GNAT3: variants seen among roughly 807,000 people sequenced by gnomAD.
The protein encoded by GNAT3 is G protein subunit alpha transducin 3, also known as guanine nucleotide-binding protein G(t) subunit alpha-3.
GNAT3 carries 31 observed loss-of-function variants against 37.7 expected under a neutral mutation model. The observed-to-expected ratio is 0.82, with a 90% CI of 0.62 to 1.11. The LOEUF is 1.11. Among genes scored for constraint, GNAT3 ranks in the 50% most tolerant of loss-of-function variants. The probability of loss-of-function intolerance (pLI) is 0.00; values close to 1 mark genes in which losing one functional copy is unlikely to be tolerated. For synonymous variants in GNAT3, 138 were observed against 139.8 expected (o/e 0.99, Z 0.09); for missense variants, 437 against 412.5 (o/e 1.06, Z -0.51).
At chr7:80,504,480 C>T (rs1584199016) in intron 1 of GNAT3, among the ~76,000 whole-genome samples, 1 of 152,096 alleles carries the variant, frequency 6.6e-6, no homozygotes, top group East Asian at 1.9e-4. Context: ...AGCATAGCAT[C>T]CTTTGAGAAG....
At chr7:80,477,357 G>T (rs1308275268) in intron 4 of GNAT3, among the ~76,000 whole-genome samples, 1 of 152,038 alleles carries the variant, frequency 6.6e-6, no homozygotes, top group Non-Finnish European at 1.5e-5. Flanking sequence ...GAATAGTTTA[G>T]AAAAGCAATG....
intron 5 of GNAT3, 67 bp from the exon 6 acceptor site, chr7:80,462,698 C>A: frequency 5.4e-6 from 7 of 1,294,166 alleles, no homozygotes; most frequent in Non-Finnish European, 7.6e-6. Context: ...TTGAGGTTAA[C>A]ATTTAGAGGT....
chr7:80,502,277 C>A (rs1790847670), intron 1 of GNAT3, among the ~76,000 whole-genome samples: 1 of 152,040 alleles, frequency 6.6e-6, no homozygotes, highest in Non-Finnish European at 1.5e-5. Flanking sequence ...TTTTGCATAT[C>A]AAGCATATCT....
chr7:80,505,415 G>A (rs1338812743), intron 1 of GNAT3, among the ~76,000 whole-genome samples: 1 of 152,128 alleles, frequency 6.6e-6, no homozygotes, highest in South Asian at 2.1e-4. Context: ...TGCCCAGGCT[G>A]GAGTGCAGTG....
intron 3 of GNAT3, among the ~76,000 whole-genome samples, chr7:80,485,767 A>G (rs1408180254): frequency 7.9e-5 from 12 of 152,180 alleles, no homozygotes; most frequent in Non-Finnish European, 1.8e-4. Flanking sequence ...ATAATACCTA[A>G]TATTTACTGA....
chr7:80,467,368 G>T (rs939168104), intron 5 of GNAT3, among the ~76,000 whole-genome samples: 4 of 152,098 alleles, frequency 2.6e-5, no homozygotes, highest in Admixed American at 1.3e-4. Context: ...GGTCCAGGGA[G>T]CACTGCACAT....
Position 80,478,896 on chromosome 7 carries a change from T to A in GNAT3, c.406A>T (p.Ile136Phe), listed in dbSNP as rs1347852735. 1 of 1,613,318 alleles carries A rather than the reference T, an allele frequency of 6.2e-7. No homozygotes were observed. Among genetic ancestry groups the A allele is most frequent in the Non-Finnish European group, 8.5e-7 (1 of 1,179,556 alleles). Reference protein sequence around the residue: ...VIKRLWRDPGIQACFERASEY... With the variant: ...VIKRLWRDPGFQACFERASEY... ...GATGCCCTTTCAAAGCAGGCCTGAA[T>A]TCCTGGATCTCTCCACAGCCGTTTT... The change falls in exon 4 of 8, where the codon ATT (isoleucine) becomes TTT (phenylalanine). Residue 136 changes from isoleucine to phenylalanine, a missense_variant. By Grantham distance (21) the Ile-to-Phe change is conservative. Coordinates refer to ENST00000398291, the MANE Select transcript of GNAT3 (RefSeq NM_001102386.3).
intron 1 of GNAT3, among the ~76,000 whole-genome samples, chr7:80,501,824 A>G (rs4351352): frequency 0.011 from 1,601 of 152,076 alleles, 33 homozygotes; most frequent in African/African-American, 0.037. Flanking sequence ...CAGTAAACAT[A>G]TGGTGTCAGA....
intron 1 of GNAT3, among the ~76,000 whole-genome samples, chr7:80,502,828 C>A (rs1790861314): frequency 6.6e-6 from 1 of 152,092 alleles, no homozygotes; most frequent in Non-Finnish European, 1.5e-5. Context: ...ACCAATTCCA[C>A]CCCAATCACT....
chr7:80,467,392 T>C (rs569217972), intron 5 of GNAT3, among the ~76,000 whole-genome samples: 7 of 152,272 alleles, frequency 4.6e-5, no homozygotes, highest in African/African-American at 1.7e-4. Context: ...TCTAATGCCA[T>C]CTGCTATTAT....
intron 2 of GNAT3, among the ~76,000 whole-genome samples, chr7:80,492,704 A>G (rs993925152): frequency 5.3e-5 from 8 of 151,522 alleles, no homozygotes; most frequent in African/African-American, 1.9e-4. Context: ...AAACATATTT[A>G]GATCAATAAT....
intron 2 of GNAT3, among the ~76,000 whole-genome samples, chr7:80,493,683 C>A (rs1487631834): frequency 2.4e-5 from 3 of 125,734 alleles, no homozygotes; most frequent in African/African-American, 8.1e-5. Flanking sequence ...TCCTCCTCCT[C>A]CTCTTTCCTC....
intron 1 of GNAT3, among the ~76,000 whole-genome samples, chr7:80,495,516 CTGG>C (rs1316022152): frequency 2.0e-5 from 3 of 151,900 alleles, no homozygotes; most frequent in Non-Finnish European, 4.4e-5. Context: ...TGTCACCAGG[CTGG>C]AGTGCAGTGG....
chr7:80,466,642 GA>G (rs1043277060), intron 5 of GNAT3, among the ~76,000 whole-genome samples: 1 of 151,352 alleles, frequency 6.6e-6, no homozygotes, highest in Non-Finnish European at 1.5e-5. Context: ...CCAGGAGGAG[GA>G]AAAAAAGGGA....
intron 7 of GNAT3, among the ~76,000 whole-genome samples, chr7:80,461,021 A>G (rs1180860408): frequency 9.3e-6 from 1 of 107,130 alleles, no homozygotes; most frequent in Non-Finnish European, 1.8e-5. Flanking sequence ...ATATTTAATT[A>G]GTAATCAATA....
chr7:80,466,762 C>T (rs749941023), intron 5 of GNAT3, among the ~76,000 whole-genome samples: 5 of 152,134 alleles, frequency 3.3e-5, no homozygotes, highest in Non-Finnish European at 7.4e-5. Flanking sequence ...ATCAGAGTAA[C>T]AGCAAACTCA....
intron 4 of GNAT3, among the ~76,000 whole-genome samples, chr7:80,476,551 T>C (rs1487163641): frequency 6.6e-6 from 1 of 151,290 alleles, no homozygotes; most frequent in African/African-American, 2.4e-5. Flanking sequence ...TTGCCAACTA[T>C]GGCATTCCTT....
chr7:80,478,521 T>C (rs1364467053), intron 4 of GNAT3, among the ~76,000 whole-genome samples: 2 of 152,174 alleles, frequency 1.3e-5, no homozygotes, highest in African/African-American at 4.8e-5. Flanking sequence ...TCAGTGTGCA[T>C]GTCACCAGTC....
intron 5 of GNAT3, among the ~76,000 whole-genome samples, chr7:80,469,655 G>A (rs1422506792): frequency 6.6e-6 from 1 of 151,998 alleles, no homozygotes; most frequent in Non-Finnish European, 1.5e-5. Flanking sequence ...TATGTAAATT[G>A]AGCCTTTGGT....
Sources: allele counts gnomAD v4.1 joint callset (sites outside exome capture counted in the v4.1 genomes callset), GRCh38; gene constraint gnomAD v4.1.1; transcripts MANE v1.5; gene names NCBI Gene and HGNC (gene_info 2026-07-23, HGNC 2026-07-21).